Variants in VSTM2B observed in about 807,000 individuals in gnomAD.
The protein encoded by VSTM2B is V-set and transmembrane domain-containing protein 2B.
VSTM2B carries 24 observed loss-of-function variants against 24.0 expected under a neutral mutation model. The observed-to-expected ratio is 1.00, with a 90% CI of 0.72 to 1.40. The LOEUF is 1.40. Ranked by LOEUF, VSTM2B falls within the 40% of genes most tolerant of loss-of-function variation. The probability of loss-of-function intolerance (pLI) is 0.00; values close to 1 mark genes in which losing one functional copy is unlikely to be tolerated. For missense variants in VSTM2B, 399 were observed against 416.4 expected, an observed-to-expected ratio of 0.96 and a Z score of 0.36; for synonymous variants, 226 against 194.4, an observed-to-expected ratio of 1.16 and a Z score of -1.35.
intron 4 of VSTM2B, among the ~76,000 whole-genome samples, chr19:29,555,963 G>A (rs574591159): frequency 5.9e-5 from 9 of 152,198 alleles, no homozygotes; most frequent in Admixed American, 2.0e-4. Context: ...ATTTACAGCT[G>A]AATTCTACTA....
chr19:29,563,309 G>A (rs1194112603), intron 4 of VSTM2B, among the ~76,000 whole-genome samples: 2 of 151,008 alleles, frequency 1.3e-5, no homozygotes, highest in Admixed American at 6.6e-5. Flanking sequence ...CTGGAGTGCA[G>A]TGGTGCAATC....
At position 29,528,471 on chromosome 19, in the gene VSTM2B, G is replaced by C; in HGVS notation, c.297+9G>C. 1 of 1,550,834 alleles carries C rather than the reference G, an allele frequency of 6.4e-7. No individual in the cohort carries two copies. On this transcript the variant is annotated intron_variant, in intron 3 of 4. Coordinates refer to ENST00000335523, the MANE Select transcript of VSTM2B (RefSeq NM_001146339.2). ...ATGCAACTAAAATCAGCGTAAGTGT[G>C]GAGCCCAGCGCGGGCCGCGGGAGAC... is the stretch of plus-strand genomic sequence containing the variant.
chr19:29,533,914 TG>T lies in VSTM2B; in HGVS notation c.769+3627del, dbSNP rs374189264. On this transcript the variant is annotated intron_variant, in intron 4 of 4. Coordinates refer to ENST00000335523, the MANE Select transcript of VSTM2B (RefSeq NM_001146339.2). The stretch of plus-strand genomic sequence containing the variant: ...AGAGGGAGCTCGGGGCAGACGACCT[TG>T]GGCCTTGCCTCCCAGCCACTCAATT... 3.0e-3 allele frequency among the ~76,000 whole-genome samples: 453 copies of T among 152,280 alleles called. 3 individuals are homozygous for T. The highest frequency in any genetic ancestry group is 0.01 in the African/African-American group (432 of 41,566).
chr19:29,563,902 CA>C lies in VSTM2B; in HGVS notation c.827del (p.His276LeufsTer24), dbSNP rs1435700939. ...CTTGTCCCTGCTCCTGTTAGCTCTG[CA>C]TAAGTTCCTGCGCCTGCTCTTGGGA... ...PLLSLLLLAL[H>X]KFLRLLLGH On this transcript the variant is annotated frameshift_variant, in exon 5 of 5. Transcript: ENST00000335523. LOFTEE classifies it high-confidence loss of function. 1 of 1,552,372 alleles carries C rather than the reference CA, an allele frequency of 6.4e-7. No homozygotes were observed. The highest frequency in any genetic ancestry group is 8.7e-7 in the Non-Finnish European group (1 of 1,147,134).
chr19:29,531,736 C>A (rs1157678610), intron 4 of VSTM2B, among the ~76,000 whole-genome samples: 1 of 152,262 alleles, frequency 6.6e-6, no homozygotes, highest in Non-Finnish European at 1.5e-5. Flanking sequence ...CAGCTGGGAA[C>A]TTTCCACCCT....
At chr19:29,558,907 A>G (rs1427361999) in intron 4 of VSTM2B, among the ~76,000 whole-genome samples, 1 of 152,218 alleles carries the variant, frequency 6.6e-6, no homozygotes, top group East Asian at 1.9e-4. Context: ...TAAAACCACA[A>G]TGAGATACCA....
chr19:29,556,107 A>G lies in VSTM2B; in HGVS notation c.770-7739A>G, dbSNP rs200599261. Among the ~76,000 whole-genome samples the G allele has an allele frequency of 2.4e-3, 364 of 149,320 alleles. 11 individuals carry two copies. In the East Asian group the frequency reaches 0.058, roughly 24 times the overall value. On this transcript the variant is annotated intron_variant, in intron 4 of 4. Transcript: ENST00000335523. ...AAAATCTGGCAGAGATACAAAAAAA[A>G]AAAAAGAAAGAAAACTTTAAGCCAA...
rs143349098 is a variant in VSTM2B, at chr19:29,538,281, G to A, written c.769+7991G>A. On this transcript the variant is annotated intron_variant, in intron 4 of 4. Coordinates refer to ENST00000335523, the MANE Select transcript of VSTM2B (RefSeq NM_001146339.2). ...TTCCGTCATCTGTTATCATCAGCACGACACCGATTCCTATGCCAGAGAGTG... is the reference window on the plus strand; with the variant it reads ...TTCCGTCATCTGTTATCATCAGCACAACACCGATTCCTATGCCAGAGAGTG... Among the ~76,000 whole-genome samples, 180 of 152,264 alleles carry A rather than the reference G, an allele frequency of 1.2e-3. No individual in the cohort carries two copies. In the Middle Eastern group the frequency reaches 0.017, roughly 14 times the overall value.
Position 29,526,652 on chromosome 19 carries a change from C to T in VSTM2B, c.69C>T (p.Leu23=). ...LPPLLLHALL[L]FVADAAFTEV... is the part of the protein sequence containing the mutation. ...CTCTGCTGCTGCATGCCCTGCTGCTCTTCGTGGCCGACGGTGAGCGCGGGA... is the reference window on the plus strand; with the variant it reads ...CTCTGCTGCTGCATGCCCTGCTGCTTTTCGTGGCCGACGGTGAGCGCGGGA... Residue 23 remains leucine (L), a synonymous_variant, in exon 1 of 5, where the codon CTC becomes CTT. Coordinates refer to ENST00000335523, the MANE Select transcript of VSTM2B (RefSeq NM_001146339.2). This position sits in a 1 kb window ranked among gnomAD's most constrained non-coding sequence, Gnocchi z 4.1. 1.3e-6 allele frequency: 2 copies of T among 1,529,542 alleles called. No individual in the cohort carries two copies. The highest frequency in any genetic ancestry group is 2.5e-5 in the East Asian group (1 of 40,212). The allele number at this position is 1,529,542 out of a possible 1,614,324, so 94.7% of individuals were successfully genotyped here. A position where few individuals can be genotyped will look rare whatever the true frequency, so the allele number is the denominator to read the frequency against.
At chr19:29,536,428 A>C (rs1291381556) in intron 4 of VSTM2B, among the ~76,000 whole-genome samples, 2 of 152,246 alleles carry the variant, frequency 1.3e-5, no homozygotes, top group Non-Finnish European at 1.5e-5. Context: ...AGAAGTCCAC[A>C]CCAAATGGAA....
intron 4 of VSTM2B, among the ~76,000 whole-genome samples, chr19:29,554,197 G>A (rs1344706790): frequency 6.6e-6 from 1 of 152,116 alleles, no homozygotes; most frequent in African/African-American, 2.4e-5. Flanking sequence ...ACCTACAGAG[G>A]GAAGCCCATT....
At chr19:29,530,374 C>A in intron 4 of VSTM2B, 84 bp downstream of exon 4, 1 of 1,253,302 alleles carries the variant, frequency 8.0e-7, no homozygotes, top group Admixed American at 4.0e-5. Flanking sequence ...GGCTCCGGAC[C>A]CAGGACCCGC....
chr19:29,556,072 T>C (rs1970399720), intron 4 of VSTM2B, among the ~76,000 whole-genome samples: 1 of 148,806 alleles, frequency 6.7e-6, no homozygotes, highest in African/African-American at 2.5e-5. Context: ...GCCAGCATCA[T>C]CCTGATACCA....
chr19:29,530,115 C>T lies in VSTM2B; in HGVS notation c.594C>T (p.Gly198=). Residue 198 remains glycine, a synonymous_variant, in exon 4 of 5, where the codon GGC becomes GGT. Transcript: ENST00000335523. ...ASRTTSEPGR[G]DKSPPPGSPP... ...GTACCACCTCCGAGCCCGGCCGCGG[C>T]GACAAGAGCCCGCCGCCCGGGAGCC... is the stretch of plus-strand genomic sequence containing the variant. 1.4e-6 allele frequency: 2 copies of T among 1,443,904 alleles called. No homozygotes were observed. The allele number at this position is 1,443,904 out of a possible 1,614,324, so 89.4% of individuals were successfully genotyped here.
intron 4 of VSTM2B, among the ~76,000 whole-genome samples, chr19:29,553,014 A>G (rs1970322088): frequency 6.6e-6 from 1 of 152,184 alleles, no homozygotes; most frequent in Non-Finnish European, 1.5e-5. Context: ...TTCACAGATC[A>G]GCAGACTTAG....
At chr19:29,527,761 T>C (rs964047043) in intron 2 of VSTM2B, among the ~76,000 whole-genome samples, 5 of 152,116 alleles carry the variant, frequency 3.3e-5, no homozygotes, top group African/African-American at 1.2e-4. Flanking sequence ...CTCTGCCACT[T>C]TGAGGACCCC....
chr19:29,533,687 G>A (rs529712580), intron 4 of VSTM2B, among the ~76,000 whole-genome samples: 147 of 152,302 alleles, frequency 9.7e-4, no homozygotes, highest in African/African-American at 3.4e-3. Context: ...ACCTCACCCC[G>A]GTCACCCAAG....
chr19:29,560,414 A>G (rs1970498489), intron 4 of VSTM2B, among the ~76,000 whole-genome samples: 1 of 152,194 alleles, frequency 6.6e-6, no homozygotes, highest in Non-Finnish European at 1.5e-5. Flanking sequence ...CAAGCTGGAA[A>G]CAGGACTAGG....
At chr19:29,534,716 CA>C (rs11425011) in intron 4 of VSTM2B, among the ~76,000 whole-genome samples, 20,526 of 140,180 alleles carry the variant, frequency 0.15, 2,487 homozygotes, top group African/African-American at 0.34. Context: ...AACTCTGTCT[CA>C]AAAAAAAAAA....
Sources: allele counts gnomAD v4.1 joint callset (sites outside exome capture counted in the v4.1 genomes callset), GRCh38; gene constraint gnomAD v4.1.1; non-coding constraint Gnocchi (gnomAD v3.1); transcripts MANE v1.5; gene names NCBI Gene and HGNC (gene_info 2026-07-23, HGNC 2026-07-21).